Variants in DOK6 observed in about 807,000 individuals in gnomAD.
The protein encoded by DOK6 is docking protein 6.
In DOK6, 22 loss-of-function variants were observed where a neutral mutation model predicts 44.0. The ratio of observed to expected loss-of-function variants is 0.50; its 90% CI spans 0.36 to 0.71. DOK6 has a LOEUF of 0.71. DOK6 is among the 30% of genes least tolerant of loss of function. The pLI is 0.00. For missense variants in DOK6, 340 were observed against 416.4 expected (o/e 0.82, Z 1.60); for synonymous variants, 166 against 145.5 (o/e 1.14, Z -1.01).
At chr18:69,513,351 C>G (rs967869627) in intron 1 of DOK6, among the ~76,000 whole-genome samples, 1 of 152,200 alleles carries the variant, frequency 6.6e-6, no homozygotes. Flanking sequence ...CCTTTGAGCA[C>G]GTGCGTGGGT....
At chr18:69,496,411 C>A (rs1050737988) in intron 1 of DOK6, among the ~76,000 whole-genome samples, 5 of 152,230 alleles carry the variant, frequency 3.3e-5, no homozygotes, top group African/African-American at 1.2e-4. Context: ...GAGGGTGCAG[C>A]CCCAGCGGGG....
chr18:69,778,169 C>A (rs1383176152), intron 7 of DOK6, among the ~76,000 whole-genome samples: 1 of 151,912 alleles, frequency 6.6e-6, no homozygotes, highest in Non-Finnish European at 1.5e-5. Context: ...CATGGGTATG[C>A]GCACAAGTCA....
intron 3 of DOK6, among the ~76,000 whole-genome samples, chr18:69,649,060 T>C (rs1032951159): frequency 1.3e-5 from 2 of 152,186 alleles, no homozygotes; most frequent in Non-Finnish European, 2.9e-5. Context: ...AGAAGTGTTC[T>C]TGACTTCTCT....
chr18:69,671,546 T>G (rs927806745), intron 3 of DOK6, among the ~76,000 whole-genome samples: 39 of 152,202 alleles, frequency 2.6e-4, no homozygotes, highest in Non-Finnish European at 4.4e-4. Flanking sequence ...CTAATGAGGT[T>G]GAAAGAAAAA....
chr18:69,779,717 T>C (rs565404255), intron 7 of DOK6, among the ~76,000 whole-genome samples: 2 of 151,412 alleles, frequency 1.3e-5, no homozygotes, highest in East Asian at 3.9e-4. Flanking sequence ...TGTGTGTGTG[T>C]GTGCATGTGT....
At chr18:69,785,733 T>C (rs191893027) in intron 7 of DOK6, among the ~76,000 whole-genome samples, 1 of 152,310 alleles carries the variant, frequency 6.6e-6, no homozygotes, top group East Asian at 1.9e-4. Context: ...TCTTTCCTCA[T>C]TCCTGACATT....
chr18:69,606,765 T>TTG (rs1984006947), intron 3 of DOK6, among the ~76,000 whole-genome samples: 1 of 147,678 alleles, frequency 6.8e-6, no homozygotes, highest in African/African-American at 2.5e-5. Context: ...GGATTTTTTT[T>TTG]TTTTTTTTTT....
chr18:69,627,068 G>T (rs547483718), intron 3 of DOK6, among the ~76,000 whole-genome samples: 95 of 152,236 alleles, frequency 6.2e-4, no homozygotes, highest in African/African-American at 2.2e-3. Flanking sequence ...ATACTCTCAC[G>T]CAGTGAGACG....
At chr18:69,592,700 T>C (rs1983649783) in intron 2 of DOK6, among the ~76,000 whole-genome samples, 1 of 152,168 alleles carries the variant, frequency 6.6e-6, no homozygotes, top group Non-Finnish European at 1.5e-5. Flanking sequence ...AATAATTAAG[T>C]TTAATGCTTT....
chr18:69,436,775 AAC>A lies in DOK6; in HGVS notation c.66+35467_66+35468del, dbSNP rs557918178. Reference sequence around the variant, plus strand: ...GGTTGAACTAATTTACACTCCCACCAACAGTGTGAAAGCGTTCATATTTCTCC... The same window carrying A: ...GGTTGAACTAATTTACACTCCCACCAAGTGTGAAAGCGTTCATATTTCTCC... On this transcript the variant is annotated intron_variant, in intron 1 of 7. Transcript: ENST00000382713. Among the ~76,000 whole-genome samples the A allele has an allele frequency of 7.0e-4, 107 of 152,334 alleles. 1 individual carries two copies. Among genetic ancestry groups the A allele is most frequent in the Middle Eastern group, 6.8e-3 (2 of 294 alleles).
intron 3 of DOK6, among the ~76,000 whole-genome samples, chr18:69,665,130 G>A (rs991058575): frequency 6.6e-5 from 10 of 152,058 alleles, no homozygotes; most frequent in South Asian, 2.1e-4. Context: ...GCAGTGAGCC[G>A]AGATTGTGCC....
intron 7 of DOK6, among the ~76,000 whole-genome samples, chr18:69,835,412 C>T (rs1443221076): frequency 1.3e-5 from 2 of 151,772 alleles, no homozygotes; most frequent in Non-Finnish European, 2.9e-5. Context: ...TTGCAGTGAG[C>T]CAAAATCGCA....
rs1982364799 is a variant in DOK6 at position 69,847,238 on chromosome 18, T to C, written c.*5855T>C. The C allele has an allele frequency of 6.6e-6, 1 of 152,184 alleles. No homozygotes were observed. Among genetic ancestry groups the C allele is most frequent in the African/African-American group, 2.4e-5 (1 of 41,460 alleles). 9.4% of individuals were successfully genotyped at this position (152,184 alleles called of 1,614,324 possible). A position where few individuals can be genotyped will look rare whatever the true frequency, so the allele number is the denominator to read the frequency against. ...TTTTCTAATCATTATTTTGGGCCCA[T>C]GTTAGCAGTTGAAACAATTAAGTTC... is the stretch of plus-strand genomic sequence containing the variant. On this transcript the variant is annotated 3_prime_UTR_variant, in exon 8 of 8. Transcript: ENST00000382713.
intron 1 of DOK6, among the ~76,000 whole-genome samples, chr18:69,559,253 G>T (rs1419849557): frequency 6.6e-6 from 1 of 151,978 alleles, no homozygotes; most frequent in African/African-American, 2.4e-5. Flanking sequence ...CATCAGATGG[G>T]GAATTACAGT....
At chr18:69,701,056 G>T (rs1204345197) in intron 5 of DOK6, among the ~76,000 whole-genome samples, 7 of 152,060 alleles carry the variant, frequency 4.6e-5, no homozygotes, top group Non-Finnish European at 1.0e-4. Context: ...TTTTTTCATT[G>T]ACACACTTTT....
chr18:69,820,363 G>A (rs535886992), intron 7 of DOK6, among the ~76,000 whole-genome samples: 1 of 152,224 alleles, frequency 6.6e-6, no homozygotes, highest in East Asian at 1.9e-4. Context: ...GCAAGTGTCA[G>A]AAGAAAGCAA....
At chr18:69,505,580 C>T (rs1981162603) in intron 1 of DOK6, among the ~76,000 whole-genome samples, 1 of 149,630 alleles carries the variant, frequency 6.7e-6, no homozygotes, top group Non-Finnish European at 1.5e-5. Context: ...TCACTGCAAC[C>T]TCTGCCTCCC....
intron 7 of DOK6, among the ~76,000 whole-genome samples, chr18:69,808,471 T>C (rs1301684723): frequency 1.3e-5 from 2 of 151,382 alleles, no homozygotes; most frequent in African/African-American, 4.8e-5. Flanking sequence ...AGAAAAACAA[T>C]AGAAAAGAGC....
At chr18:69,757,731 T>TA (rs1261966348) in intron 6 of DOK6, 25 bp from the exon 7 acceptor site, 4 of 1,601,860 alleles carry the variant, frequency 2.5e-6, no homozygotes, top group Non-Finnish European at 2.6e-6. Flanking sequence ...AAACGAGGCC[T>TA]AAAACACATT....
Sources: gnomAD v4.1 joint callset for allele counts (sites outside exome capture counted in the v4.1 genomes callset) on GRCh38, gnomAD v4.1.1 for gene constraint, MANE v1.5 for transcripts, NCBI Gene and HGNC (gene_info 2026-07-23, HGNC 2026-07-21) for gene names.